The following GNA14 variants were observed in gnomAD, a reference collection of about 807,000 sequenced individuals.
The protein encoded by GNA14 is G protein subunit alpha 14, also known as guanine nucleotide-binding protein subunit alpha-14.
GNA14 carries 50 observed loss-of-function variants against 42.0 expected under a neutral mutation model. The observed-to-expected ratio is 1.19, with a 90% CI of 0.95 to 1.51. The LOEUF is 1.51. Ranked by LOEUF, GNA14 falls within the 40% of genes most tolerant of loss-of-function variation. The probability of loss-of-function intolerance (pLI) is 0.00; values close to 1 mark genes in which losing one functional copy is unlikely to be tolerated. For synonymous variants in GNA14, 173 were observed against 163.1 expected (o/e 1.06, Z -0.46); for missense variants, 473 against 446.2 (o/e 1.06, Z -0.54).
chr9:77,479,973 G>A (rs542832305), intron 2 of GNA14, among the ~76,000 whole-genome samples: 376 of 152,040 alleles, frequency 2.5e-3, no homozygotes, highest in African/African-American at 4.0e-3. Flanking sequence ...GGTTTTCTAG[G>A]TATACAATCA....
chr9:77,616,400 G>C (rs951277801), intron 1 of GNA14, among the ~76,000 whole-genome samples: 2 of 152,214 alleles, frequency 1.3e-5, no homozygotes, highest in African/African-American at 4.8e-5. Context: ...TGGCTGGAAC[G>C]AAGCCAAGGA....
intron 1 of GNA14, among the ~76,000 whole-genome samples, chr9:77,566,762 T>C (rs1822974629): frequency 6.6e-6 from 1 of 152,156 alleles, no homozygotes; most frequent in Admixed American, 6.5e-5. Flanking sequence ...CACCCTTTTA[T>C]GAAATGTCTT....
At chr9:77,533,178 CAT>C (rs1324688574) in intron 1 of GNA14, among the ~76,000 whole-genome samples, 2 of 151,904 alleles carry the variant, frequency 1.3e-5, no homozygotes, top group Middle Eastern at 6.8e-3. Flanking sequence ...CTTTCAGCAC[CAT>C]ATATATATAT....
At chr9:77,493,742 T>C (rs1327924179) in intron 2 of GNA14, among the ~76,000 whole-genome samples, 1 of 152,222 alleles carries the variant, frequency 6.6e-6, no homozygotes. Flanking sequence ...TGGGTTATTA[T>C]TTGTTTTAAT....
At chr9:77,588,027 A>C (rs992632219) in intron 1 of GNA14, among the ~76,000 whole-genome samples, 2 of 152,114 alleles carry the variant, frequency 1.3e-5, no homozygotes, top group Non-Finnish European at 2.9e-5. Flanking sequence ...TTCCTGTCTC[A>C]GTGATGTCTG....
intron 1 of GNA14, among the ~76,000 whole-genome samples, chr9:77,625,051 G>A (rs1199326045): frequency 6.6e-6 from 1 of 151,770 alleles, no homozygotes; most frequent in Non-Finnish European, 1.5e-5. Context: ...ACAGTTTAGA[G>A]AAGAACATAA....
At chr9:77,623,860 G>A (rs934455612) in intron 1 of GNA14, among the ~76,000 whole-genome samples, 1 of 152,200 alleles carries the variant, frequency 6.6e-6, no homozygotes, top group Non-Finnish European at 1.5e-5. Flanking sequence ...CAGACACTGA[G>A]CTAAATGCAG....
chr9:77,623,811 G>A (rs957759448), intron 1 of GNA14, among the ~76,000 whole-genome samples: 5 of 152,282 alleles, frequency 3.3e-5, no homozygotes, highest in Admixed American at 6.5e-5. Flanking sequence ...CACCACCAGC[G>A]CCATGGATTT....
chr9:77,466,618 T>C (rs1245537347), intron 2 of GNA14, among the ~76,000 whole-genome samples: 1 of 151,928 alleles, frequency 6.6e-6, no homozygotes, highest in East Asian at 1.9e-4. Flanking sequence ...AGCCTGTTTT[T>C]TGTTTGTTTG....
chr9:77,538,683 A>T (rs1287898906), intron 1 of GNA14, among the ~76,000 whole-genome samples: 3 of 152,068 alleles, frequency 2.0e-5, no homozygotes, highest in Admixed American at 1.3e-4. Flanking sequence ...TTATTTCTTT[A>T]TAGCTATTGT....
At chr9:77,641,448 G>A (rs145983602) in intron 1 of GNA14, among the ~76,000 whole-genome samples, 2,137 of 151,568 alleles carry the variant, frequency 0.014, 34 homozygotes, top group African/African-American at 0.048. Flanking sequence ...GACATGGTGT[G>A]CCTCCAGATG....
chr9:77,431,371 G>A lies in GNA14; in HGVS notation c.543C>T (p.Pro181=), dbSNP rs775349997. The A allele has an allele frequency of 5.0e-6, 8 of 1,613,360 alleles. No homozygotes were observed. In the Admixed American group the frequency reaches 5.0e-5, roughly 10 times the overall value. The change falls in exon 4 of 7, where the codon CCC becomes CCT. Residue 181 remains proline, a synonymous_variant. Transcript: ENST00000341700. The stretch of plus-strand genomic sequence containing the variant: ...ATGGATACTCAATGATGCCGGTGGT[G>A]GGCACTCGGACGCGAAGCACATCTT... ...TQQDVLRVRV[P]TTGIIEYPFD... is the part of the protein sequence containing the mutation.
chr9:77,626,918 A>G (rs979862551), intron 1 of GNA14, among the ~76,000 whole-genome samples: 1 of 152,160 alleles, frequency 6.6e-6, no homozygotes, highest in African/African-American at 2.4e-5. Context: ...GACACGAACA[A>G]CCCTTTAAAA....
At chr9:77,556,741 G>GAC (rs1822787299) in intron 1 of GNA14, among the ~76,000 whole-genome samples, 1 of 152,138 alleles carries the variant, frequency 6.6e-6, no homozygotes, top group African/African-American at 2.4e-5. Flanking sequence ...ACCACCCCCA[G>GAC]ACACACACAC....
chr9:77,583,840 T>C lies in GNA14; in HGVS notation c.125-54587A>G, dbSNP rs570421626. Reference sequence around the variant, plus strand: ...TCTAACACACCCCCAGCCAAAGCCATTGCCTCAGCTCGGAGGACCACTGCT... The same window carrying C: ...TCTAACACACCCCCAGCCAAAGCCACTGCCTCAGCTCGGAGGACCACTGCT... On this transcript the variant is annotated intron_variant, in intron 1 of 6. Coordinates refer to ENST00000341700, the MANE Select transcript of GNA14 (RefSeq NM_004297.4). 2.0e-5 allele frequency among the ~76,000 whole-genome samples: 3 copies of C among 152,242 alleles called. No homozygotes were observed. In the East Asian group the frequency reaches 5.8e-4, roughly 29 times the overall value.
chr9:77,508,807 G>A (rs1837111636), intron 2 of GNA14, among the ~76,000 whole-genome samples: 1 of 152,138 alleles, frequency 6.6e-6, no homozygotes, highest in African/African-American at 2.4e-5. Flanking sequence ...AGAATATACT[G>A]GGAGGATAAG....
chr9:77,452,613 G>A (rs370209181), intron 2 of GNA14, among the ~76,000 whole-genome samples: 3 of 234 alleles, frequency 0.013, no homozygotes, highest in Admixed American at 0.12. Flanking sequence ...ATGTGTATGT[G>A]TGTGTATGTA....
chr9:77,478,236 T>C (rs1324578057), intron 2 of GNA14, among the ~76,000 whole-genome samples: 1 of 151,504 alleles, frequency 6.6e-6, no homozygotes, highest in Non-Finnish European at 1.5e-5. Context: ...GTCCATGTGT[T>C]CGCATTGTTC....
chr9:77,496,062 C>A (rs976656388), intron 2 of GNA14, among the ~76,000 whole-genome samples: 2 of 152,164 alleles, frequency 1.3e-5, no homozygotes, highest in African/African-American at 2.4e-5. Context: ...CTGGGAGATG[C>A]ACCGGGGGAG....
Sources: gnomAD v4.1 joint callset for allele counts (sites outside exome capture counted in the v4.1 genomes callset) on GRCh38, gnomAD v4.1.1 for gene constraint, MANE v1.5 for transcripts, NCBI Gene and HGNC (gene_info 2026-07-23, HGNC 2026-07-21) for gene names.